The following HS2ST1 variants were observed in gnomAD, a reference collection of about 807,000 sequenced individuals.
HS2ST1 encodes the protein 2-O-sulfotransferase.
Under a neutral mutation model 42.9 loss-of-function variants are expected in HS2ST1, and 18 were observed. The ratio of observed to expected loss-of-function variants is 0.42; its 90% CI spans 0.29 to 0.62. The LOEUF (loss-of-function observed/expected upper bound fraction) is 0.62. Ranked by LOEUF, HS2ST1 falls within the 20% of genes least tolerant of loss-of-function variation. The pLI, the probability that HS2ST1 is intolerant of heterozygous loss-of-function variation, is 0.21. For synonymous variants in HS2ST1, 146 were observed against 152.9 expected (o/e 0.95, Z 0.33); for missense variants, 334 against 433.8 (o/e 0.77, Z 2.04).
intron 2 of HS2ST1, among the ~76,000 whole-genome samples, chr1:87,078,497 A>G (rs1055753333): frequency 3.9e-5 from 6 of 152,336 alleles, no homozygotes; most frequent in African/African-American, 1.4e-4. Flanking sequence ...TCTGACTACT[A>G]CATCTGAAAC....
intron 1 of HS2ST1, among the ~76,000 whole-genome samples, chr1:86,980,482 T>G (rs979132492): frequency 2.0e-5 from 3 of 151,902 alleles, no homozygotes; most frequent in Non-Finnish European, 4.4e-5. Context: ...ATTTTTTTTT[T>G]CTTAACTAAA....
intron 2 of HS2ST1, among the ~76,000 whole-genome samples, chr1:87,076,945 G>A (rs7516833): frequency 0.033 from 5,022 of 152,146 alleles, 172 homozygotes; most frequent in African/African-American, 0.083. Context: ...ATCTGCGTTA[G>A]AGCCCACAGT....
chr1:86,948,901 A>T (rs1647419203), intron 1 of HS2ST1, among the ~76,000 whole-genome samples: 1 of 152,198 alleles, frequency 6.6e-6, no homozygotes, highest in South Asian at 2.1e-4. Flanking sequence ...AAAATTTCTT[A>T]AAAAGGTTTG....
intron 1 of HS2ST1, among the ~76,000 whole-genome samples, chr1:87,014,614 A>G (rs1345086300): frequency 6.6e-6 from 1 of 152,194 alleles, no homozygotes; most frequent in African/African-American, 2.4e-5. Context: ...AACCCTGACA[A>G]ATAGAGCTGG....
intron 1 of HS2ST1, among the ~76,000 whole-genome samples, chr1:87,064,065 A>G (rs1160035965): frequency 1.3e-5 from 2 of 152,160 alleles, no homozygotes; most frequent in Non-Finnish European, 2.9e-5. Flanking sequence ...GTGGAAGTCT[A>G]GGCTCCCTAC....
At chr1:87,027,357 G>A (rs1041625015) in intron 1 of HS2ST1, among the ~76,000 whole-genome samples, 1 of 152,074 alleles carries the variant, frequency 6.6e-6, no homozygotes, top group African/African-American at 2.4e-5. Flanking sequence ...ACAATTAGTG[G>A]GAAGGAAGCA....
intron 1 of HS2ST1, among the ~76,000 whole-genome samples, chr1:87,023,328 A>C (rs867213462): frequency 2.0e-5 from 3 of 152,324 alleles, no homozygotes; most frequent in Middle Eastern, 3.4e-3. Context: ...TCATAAAAAA[A>C]GATCATAAGC....
chr1:86,916,857 T>A (rs1660169970), intron 1 of HS2ST1, among the ~76,000 whole-genome samples: 1 of 152,228 alleles, frequency 6.6e-6, no homozygotes, highest in South Asian at 2.1e-4. Context: ...GGAGTTGATT[T>A]CTTAGACACG....
Position 87,106,086 on chromosome 1 carries a change from TATGTAA to T in HS2ST1, c.*1397_*1402del, listed in dbSNP as rs1652318639. On this transcript the variant is annotated 3_prime_UTR_variant, in exon 7 of 7. Transcript: ENST00000370550. ...AAGCACTTTGAAAATTGTAAAGCGC[TATGTAA>T]ATGTAAGGTATTATAGAAACATCTT... is the stretch of plus-strand genomic sequence containing the variant. 6.6e-6 allele frequency: 1 copy of T among 152,520 alleles called. No individual in the cohort carries two copies. Among genetic ancestry groups the T allele is most frequent in the Non-Finnish European group, 1.5e-5 (1 of 67,946 alleles). 9.4% of individuals were successfully genotyped at this position (152,520 alleles called of 1,614,324 possible). A position where few individuals can be genotyped will look rare whatever the true frequency, so the allele number is the denominator to read the frequency against.
At chr1:87,029,276 T>G (rs1650167892) in intron 1 of HS2ST1, among the ~76,000 whole-genome samples, 1 of 152,200 alleles carries the variant, frequency 6.6e-6, no homozygotes, top group South Asian at 2.1e-4. Context: ...AACCACCTTC[T>G]TTTAATAGTG....
chr1:87,103,631 T>C, intron 6 of HS2ST1, 42 bp downstream of exon 6: 1 of 1,428,572 alleles, frequency 7.0e-7, no homozygotes, highest in South Asian at 1.7e-5. Flanking sequence ...TTCTTTGGTT[T>C]GGTTTTTTGG....
chr1:87,013,341 C>G (rs1056609947), intron 1 of HS2ST1, among the ~76,000 whole-genome samples: 13 of 152,380 alleles, frequency 8.5e-5, no homozygotes, highest in Admixed American at 4.6e-4. Context: ...GGCCCAACAT[C>G]ACTTGTAAGC....
intron 1 of HS2ST1, among the ~76,000 whole-genome samples, chr1:86,976,721 T>TATA (rs61660936): frequency 5.2e-5 from 7 of 135,702 alleles, no homozygotes; most frequent in East Asian, 2.3e-4. Context: ...TATATATATA[T>TATA]TTTAAATGCC....
chr1:87,049,881 C>G (rs1650790168), intron 1 of HS2ST1, among the ~76,000 whole-genome samples: 1 of 152,020 alleles, frequency 6.6e-6, no homozygotes, highest in Non-Finnish European at 1.5e-5. Flanking sequence ...GCAGATTTGT[C>G]TGTTTTTCCT....
At chr1:87,086,503 GCAAAATA>G (rs1466844389) in intron 3 of HS2ST1, among the ~76,000 whole-genome samples, 2 of 152,038 alleles carry the variant, frequency 1.3e-5, no homozygotes, top group Non-Finnish European at 2.9e-5. Flanking sequence ...GGTGAATTTG[GCAAAATA>G]CTTATTTAAC....
At chr1:87,096,036 G>T (rs1652059265) in intron 4 of HS2ST1, among the ~76,000 whole-genome samples, 1 of 147,568 alleles carries the variant, frequency 6.8e-6, no homozygotes, top group Non-Finnish European at 1.5e-5. Context: ...CTAGACAGCT[G>T]ATTTTCATAT....
intron 1 of HS2ST1, among the ~76,000 whole-genome samples, chr1:87,046,897 G>A (rs560931792): frequency 1.3e-4 from 20 of 148,642 alleles, no homozygotes; most frequent in Non-Finnish European, 2.5e-4. Context: ...TAGTAGAGAC[G>A]GGCTTTCACC....
intron 2 of HS2ST1, among the ~76,000 whole-genome samples, chr1:87,077,424 TCTC>T (rs751294458): frequency 6.6e-6 from 1 of 152,190 alleles, no homozygotes; most frequent in Non-Finnish European, 1.5e-5. Flanking sequence ...AGAATGCACT[TCTC>T]CTGGCTTCTT....
At position 87,105,535 on chromosome 1, in the gene HS2ST1, A is replaced by G. The variant is rs1275931557; in HGVS notation, c.*839A>G. On this transcript the variant is annotated 3_prime_UTR_variant, in exon 7 of 7. Transcript: ENST00000370550. ...ACTCCGTATTATGACTCCATTAGTG[A>G]GCTGTGGTATGGGTAGGATTTTCCT... 1 of 152,268 alleles carries G rather than the reference A, an allele frequency of 6.6e-6. No individual in the cohort carries two copies. Among genetic ancestry groups the G allele is most frequent in the Non-Finnish European group, 1.5e-5 (1 of 67,932 alleles). 9.4% of individuals were successfully genotyped at this position (152,268 alleles called of 1,614,324 possible).
Sources: allele counts gnomAD v4.1 joint callset (sites outside exome capture counted in the v4.1 genomes callset), GRCh38; gene constraint gnomAD v4.1.1; transcripts MANE v1.5; gene names NCBI Gene and HGNC (gene_info 2026-07-23, HGNC 2026-07-21).